Variants in CCSER1 observed in about 807,000 individuals in gnomAD.
The protein encoded by CCSER1 is serine-rich coiled-coil domain-containing protein 1.
Under a neutral mutation model 82.0 loss-of-function variants are expected in CCSER1, and 41 were observed. The observed-to-expected ratio is 0.50, with a 90% CI of 0.39 to 0.65. The LOEUF (loss-of-function observed/expected upper bound fraction) is 0.65, where lower values mean the gene tolerates loss of function less well. Among genes scored for constraint, CCSER1 ranks in the 30% least tolerant of loss-of-function variants. The pLI, the probability that CCSER1 is intolerant of heterozygous loss-of-function variation, is 0.00. For synonymous variants in CCSER1, 414 were observed against 383.9 expected, an observed-to-expected ratio of 1.08 and a Z score of -0.92; for missense variants, 1,119 against 1,064.2, an observed-to-expected ratio of 1.05 and a Z score of -0.72.
At chr4:90,915,199 A>G (rs145515060) in intron 8 of CCSER1, among the ~76,000 whole-genome samples, 48 of 152,316 alleles carry the variant, frequency 3.2e-4, no homozygotes, top group Non-Finnish European at 6.2e-4. Flanking sequence ...AAAGCCTGGC[A>G]GAGACACAAC....
chr4:91,148,057 T>C (rs1290089930), intron 10 of CCSER1, among the ~76,000 whole-genome samples: 2 of 152,214 alleles, frequency 1.3e-5, no homozygotes, highest in African/African-American at 4.8e-5. Flanking sequence ...TTACCATAGA[T>C]AGGTTGACTA....
intron 10 of CCSER1, among the ~76,000 whole-genome samples, chr4:91,408,977 C>A (rs909270289): frequency 1.3e-5 from 2 of 152,136 alleles, no homozygotes; most frequent in African/African-American, 4.8e-5. Flanking sequence ...ACCTCTGTGT[C>A]TTTTCTTGGC....
At chr4:91,577,519 A>C (rs567821218) in intron 10 of CCSER1, among the ~76,000 whole-genome samples, 1 of 152,066 alleles carries the variant, frequency 6.6e-6, no homozygotes, top group African/African-American at 2.4e-5. Flanking sequence ...TTTTATCACC[A>C]GGAGGAAGCA....
intron 10 of CCSER1, among the ~76,000 whole-genome samples, chr4:91,317,438 C>T (rs757054139): frequency 2.6e-5 from 4 of 151,962 alleles, no homozygotes; most frequent in Non-Finnish European, 5.9e-5. Flanking sequence ...GCTACACCCT[C>T]CCCATTCTCT....
intron 7 of CCSER1, among the ~76,000 whole-genome samples, chr4:90,757,716 CAAG>C (rs1475356179): frequency 6.6e-6 from 1 of 152,144 alleles, no homozygotes; most frequent in Non-Finnish European, 1.5e-5. Context: ...CAGGAACAAA[CAAG>C]AGACTAGCTG....
At chr4:91,458,185 A>T (rs1298428793) in intron 10 of CCSER1, among the ~76,000 whole-genome samples, 1 of 151,946 alleles carries the variant, frequency 6.6e-6, no homozygotes, top group African/African-American at 2.4e-5. Flanking sequence ...ATATAGAGAG[A>T]TAGGGGTGTA....
chr4:91,504,327 C>T (rs1759373832), intron 10 of CCSER1, among the ~76,000 whole-genome samples: 2 of 152,104 alleles, frequency 1.3e-5, no homozygotes, highest in South Asian at 4.1e-4. Flanking sequence ...TTTCCCTAAT[C>T]TGATTTTTTT....
chr4:90,682,603 G>A (rs922937518), intron 6 of CCSER1, among the ~76,000 whole-genome samples: 1 of 151,876 alleles, frequency 6.6e-6, no homozygotes, highest in Non-Finnish European at 1.5e-5. Flanking sequence ...GTTCCGTAAA[G>A]TCATTCAGGG....
At position 90,640,862 on chromosome 4, in the gene CCSER1, A is replaced by T. The variant is rs576726490; in HGVS notation, c.1932+12630A>T. On this transcript the variant is annotated intron_variant, in intron 6 of 10. Coordinates refer to ENST00000509176, the MANE Select transcript of CCSER1 (RefSeq NM_001145065.2). ...GAGGCCTCCCCAGCCATGCTGAATTATGAGTCAAACATCTTTCTTTTTTAA... is the reference window on the plus strand; with the variant it reads ...GAGGCCTCCCCAGCCATGCTGAATTTTGAGTCAAACATCTTTCTTTTTTAA... Among the ~76,000 whole-genome samples the T allele has an allele frequency of 2.8e-3, 427 of 152,252 alleles. 1 individual carries two copies. The highest frequency in any genetic ancestry group is 9.8e-3 in the African/African-American group (406 of 41,538).
chr4:91,276,293 C>CTT (rs545936410), intron 10 of CCSER1, among the ~76,000 whole-genome samples: 29 of 116,272 alleles, frequency 2.5e-4, no homozygotes, highest in Non-Finnish European at 3.6e-4. Flanking sequence ...GATGTCTTTC[C>CTT]TTTTTTTTTT....
At chr4:90,494,170 G>C (rs766175718) in intron 5 of CCSER1, among the ~76,000 whole-genome samples, 2 of 152,168 alleles carry the variant, frequency 1.3e-5, no homozygotes, top group Non-Finnish European at 1.5e-5. Flanking sequence ...GACAAAGAAG[G>C]CCATTACATA....
intron 7 of CCSER1, among the ~76,000 whole-genome samples, chr4:90,748,086 G>A (rs1360982848): frequency 2.1e-5 from 3 of 140,400 alleles, no homozygotes; most frequent in Non-Finnish European, 4.6e-5. Context: ...TGCACATTGT[G>A]CAGGTTAGTT....
intron 10 of CCSER1, among the ~76,000 whole-genome samples, chr4:91,488,931 A>G (rs1319819327): frequency 3.3e-5 from 5 of 152,190 alleles, no homozygotes; most frequent in African/African-American, 7.2e-5. Context: ...ACAATTTGTT[A>G]GGAAGTCATA....
intron 5 of CCSER1, among the ~76,000 whole-genome samples, chr4:90,491,080 G>A (rs895525350): frequency 2.0e-5 from 3 of 152,112 alleles, no homozygotes; most frequent in African/African-American, 7.2e-5. Flanking sequence ...AGCTTGATGG[G>A]AATGCCATTG....
At chr4:90,730,451 G>T (rs1430026604) in intron 7 of CCSER1, among the ~76,000 whole-genome samples, 2 of 152,128 alleles carry the variant, frequency 1.3e-5, no homozygotes, top group Non-Finnish European at 2.9e-5. Context: ...AATTTGTCAA[G>T]TACCTACCAT....
intron 5 of CCSER1, among the ~76,000 whole-genome samples, chr4:90,587,021 G>A (rs1225482531): frequency 6.6e-6 from 1 of 152,120 alleles, no homozygotes; most frequent in Non-Finnish European, 1.5e-5. Flanking sequence ...TGAAACGGGG[G>A]GAGGCAGAAG....
At chr4:91,161,952 C>G (rs181682062) in intron 10 of CCSER1, among the ~76,000 whole-genome samples, 1 of 152,032 alleles carries the variant, frequency 6.6e-6, no homozygotes, top group African/African-American at 2.4e-5. Flanking sequence ...ATTGCCCTGG[C>G]GAGAACTTCC....
intron 10 of CCSER1, among the ~76,000 whole-genome samples, chr4:91,415,076 A>G (rs1753275037): frequency 6.6e-6 from 1 of 152,170 alleles, no homozygotes; most frequent in Admixed American, 6.6e-5. Context: ...GCTATGTGGC[A>G]AATAGACCTA....
chr4:90,693,496 CGAGT>C lies in CCSER1; in HGVS notation c.1933-30413_1933-30410del, dbSNP rs1415267682. Reference sequence around the variant, plus strand: ...AATTCATTGGCAGGGTGAGACTAGTCGAGTGAGTATTTCATTGAGGTGGTTAAGA... The same window carrying C: ...AATTCATTGGCAGGGTGAGACTAGTCGAGTATTTCATTGAGGTGGTTAAGA... On this transcript the variant is annotated intron_variant, in intron 6 of 10. Coordinates refer to ENST00000509176, the MANE Select transcript of CCSER1 (RefSeq NM_001145065.2). 5 of 151,792 alleles carry C rather than the reference CGAGT, an allele frequency of 3.3e-5. No individual in the cohort carries two copies. In the East Asian group the frequency reaches 9.7e-4, roughly 29 times the overall value. The allele number at this position is 151,792 out of a possible 1,614,324, so 9.4% of individuals were successfully genotyped here. A position where few individuals can be genotyped will look rare whatever the true frequency, so the allele number is the denominator to read the frequency against.
Sources: gnomAD v4.1 joint callset for allele counts (sites outside exome capture counted in the v4.1 genomes callset) on GRCh38, gnomAD v4.1.1 for gene constraint, MANE v1.5 for transcripts, NCBI Gene and HGNC (gene_info 2026-07-23, HGNC 2026-07-21) for gene names.